The following TIMM50 variants were observed in gnomAD, a reference collection of about 807,000 sequenced individuals.
The protein encoded by TIMM50 is mitochondrial import inner membrane translocase subunit TIM50.
A neutral mutation model predicts 49.6 loss-of-function variants in TIMM50; 34 were observed. The observed-to-expected ratio is 0.69, with a 90% CI of 0.52 to 0.91. The LOEUF is 0.91. Among genes scored for constraint, TIMM50 ranks in the 40% least tolerant of loss-of-function variants. The pLI, the probability that TIMM50 is intolerant of heterozygous loss-of-function variation, is 0.00. For synonymous variants in TIMM50, 199 were observed against 198.4 expected (o/e 1.00, Z -0.03); for missense variants, 458 against 477.8 (o/e 0.96, Z 0.39).
At position 39,485,811 on chromosome 19, in the gene TIMM50, T is replaced by G. The variant is rs777515710; in HGVS notation, c.492+4T>G. The G allele has an allele frequency of 1.2e-6, 2 of 1,614,070 alleles. No homozygotes were observed. ...CCTCTTGCATCCTGAGTGGTCGGTGTGTCCCGGGAAACCCAGTGGGTTGGG... is the reference window on the plus strand; with the variant it reads ...CCTCTTGCATCCTGAGTGGTCGGTGGGTCCCGGGAAACCCAGTGGGTTGGG... On this transcript the variant is annotated splice_donor_region_variant and intron_variant, in intron 6 of 10. Coordinates refer to ENST00000607714, the MANE Select transcript of TIMM50 (RefSeq NM_001001563.5).
At position 39,486,381 on chromosome 19, in the gene TIMM50, C is replaced by T. The variant is rs1412066910; in HGVS notation, c.598-16C>T. ...GGGCTCAGCCTGACCTTTTCTCGCT[C>T]CCTTCCCACCCCCAGACTGCGTTTC... On this transcript the variant is annotated splice_polypyrimidine_tract_variant and intron_variant, in intron 7 of 10. Transcript: ENST00000607714. 1.9e-6 allele frequency: 3 copies of T among 1,613,782 alleles called. No homozygotes were observed. The highest frequency in any genetic ancestry group is 2.2e-5 in the East Asian group (1 of 44,902).
rs925041475 is a variant in TIMM50 at position 39,493,729 on chromosome 19, T to C, written c.*3909T>C. On this transcript the variant is annotated 3_prime_UTR_variant, in exon 11 of 11. Coordinates refer to ENST00000607714, the MANE Select transcript of TIMM50 (RefSeq NM_001001563.5). ...CCCCTATCTCCCTTCGCTGACTCTT[T>C]TCGGACTCAGCCCACCTGCACCCAG... 1.6e-4 allele frequency: 25 copies of C among 151,944 alleles called. No individual in the cohort carries two copies. Among genetic ancestry groups the C allele is most frequent in the African/African-American group, 6.0e-4 (25 of 41,424 alleles). The allele number at this position is 151,944 out of a possible 1,614,324, so 9.4% of individuals were successfully genotyped here.
rs1010703407 is a variant in TIMM50, at chr19:39,486,103, A to G, written c.493-84A>G. 4 of 1,372,206 alleles carry G rather than the reference A, an allele frequency of 2.9e-6. No individual in the cohort carries two copies. The African/African-American group carries it at 4.3e-5, about 15-fold the overall frequency. 85.0% of individuals were successfully genotyped at this position (1,372,206 alleles called of 1,614,324 possible). On this transcript the variant is annotated intron_variant, in intron 6 of 10. Coordinates refer to ENST00000607714, the MANE Select transcript of TIMM50 (RefSeq NM_001001563.5). ...AGAGGGAGAGAACTCTGTTCTGGGA[A>G]TCCCCCAGGCTGGATCTTTGTCCTC...
intron 5 of TIMM50, 39 bp downstream of exon 5, chr19:39,485,641 C>T (rs372376724): frequency 1.8e-5 from 29 of 1,614,032 alleles, no homozygotes; most frequent in Non-Finnish European, 2.4e-5. Flanking sequence ...ATGTCTCCAG[C>T]CCTGGCCTCC....
At chr19:39,486,084 A>G in intron 6 of TIMM50, 103 bp from the exon 7 acceptor site, 1 of 1,247,412 alleles carries the variant, frequency 8.0e-7, no homozygotes, top group African/African-American at 1.5e-5. Flanking sequence ...AGACAGAGGG[A>G]GAGAACTCTG....
In TIMM50 at chr19:39,486,262, A is replaced by G; in HGVS notation, c.568A>G (p.Ile190Val). The G allele has an allele frequency of 3.7e-6, 6 of 1,613,988 alleles. No homozygotes were observed. The highest frequency in any genetic ancestry group is 5.1e-6 in the Non-Finnish European group (6 of 1,180,002). Residue 190 changes from isoleucine to valine, a missense_variant, in exon 7 of 11, where the codon ATT (isoleucine) becomes GTT (valine). Transcript: ENST00000607714. ...LFQQLAPLYE[I>V]VIFTSETGMT... is the part of the protein sequence containing the mutation. ...CCAGCAGCTTGCCCCTTTATATGAA[A>G]TTGTCATCTTTACGTCAGAGACTGG...
rs1224248016 is a variant in TIMM50 at position 39,492,576 on chromosome 19, A to T, written c.*2756A>T. The T allele has an allele frequency of 6.6e-6, 1 of 151,832 alleles. No homozygotes were observed. Among genetic ancestry groups the T allele is most frequent in the Non-Finnish European group, 1.5e-5 (1 of 68,002 alleles). The allele number at this position is 151,832 out of a possible 1,614,324, so 9.4% of individuals were successfully genotyped here. The stretch of plus-strand genomic sequence containing the variant: ...GGCCATATGGGTTATTCACAGATTG[A>T]AATATCTTAGCTGGGCACGGTGGCT... On this transcript the variant is annotated 3_prime_UTR_variant, in exon 11 of 11. Coordinates refer to ENST00000607714, the MANE Select transcript of TIMM50 (RefSeq NM_001001563.5).
At chr19:39,483,021 C>T (rs1317215389) in intron 3 of TIMM50, 105 bp downstream of exon 3, 1 of 1,607,616 alleles carries the variant, frequency 6.2e-7, no homozygotes, top group Non-Finnish European at 8.5e-7. Context: ...GTGAGCCTTT[C>T]TTTCCCAGTG....
At chr19:39,489,191 A>AC (rs564444935) in intron 10 of TIMM50, among the ~76,000 whole-genome samples, 11 of 151,102 alleles carry the variant, frequency 7.3e-5, no homozygotes, top group South Asian at 2.1e-4. Context: ...GGGCCTGGGG[A>AC]CCCCCCAGGG....
intron 4 of TIMM50, 145 bp downstream of exon 4, chr19:39,483,301 G>A (rs929048035): frequency 1.9e-6 from 2 of 1,077,458 alleles, no homozygotes; most frequent in East Asian, 2.4e-5. Flanking sequence ...GGCTTTGTGG[G>A]GAGGGACATT....
chr19:39,487,897 T>G, intron 8 of TIMM50, 164 bp from the exon 9 acceptor site: 3 of 1,044,278 alleles, frequency 2.9e-6, no homozygotes, highest in Non-Finnish European at 1.3e-6. Context: ...TGGCCCTCTG[T>G]GGGGGTCGAT....
At position 39,489,638 on chromosome 19, in the gene TIMM50, A is replaced by C. The variant is rs548578181; in HGVS notation, c.961-81A>C. On this transcript the variant is annotated intron_variant, in intron 10 of 10. Coordinates refer to ENST00000607714, the MANE Select transcript of TIMM50 (RefSeq NM_001001563.5). ...AGAAGGAAAGGTGGTCCCTGGGCTG[A>C]GGCCTGGGGACCTGGGCATCTGGGA... The C allele has an allele frequency of 1.2e-4, 155 of 1,304,250 alleles. 1 individual carries two copies. In the South Asian group the frequency reaches 1.9e-3, roughly 16 times the overall value. 80.8% of individuals were successfully genotyped at this position (1,304,250 alleles called of 1,614,324 possible).
Position 39,485,599 on chromosome 19 carries a change from A to G in TIMM50, c.369A>G (p.Arg123=), listed in dbSNP as rs1251866677. ...RRTYKYFKDY[R]QMIIEPTSPC... ...CATACAAATATTTCAAAGATTATAG[A>G]CAGGTGAGCAGAAGCCCTGGGCTCA... Residue 123 remains arginine, a synonymous_variant, in exon 5 of 11, where the codon AGA becomes AGG. Coordinates refer to ENST00000607714, the MANE Select transcript of TIMM50 (RefSeq NM_001001563.5). 2 of 1,614,134 alleles carry G rather than the reference A, an allele frequency of 1.2e-6. No homozygotes were observed. The highest frequency in any genetic ancestry group is 1.7e-6 in the Non-Finnish European group (2 of 1,180,028).
At chr19:39,485,466 G>T (rs2079498175) in intron 4 of TIMM50, 78 bp from the exon 5 acceptor site, 1 of 1,572,678 alleles carries the variant, frequency 6.4e-7, no homozygotes. Flanking sequence ...GTATCTGGTA[G>T]ATAAGAAACC....
chr19:39,480,902 C>T lies in TIMM50; in HGVS notation c.49C>T (p.Leu17Phe). 1 of 1,594,678 alleles carries T rather than the reference C, an allele frequency of 6.3e-7. No homozygotes were observed. Among genetic ancestry groups the T allele is most frequent in the Non-Finnish European group, 8.5e-7 (1 of 1,176,046 alleles). ...CTCGCGCTTGCGAAGCGGGCTCCGG[C>T]TCGGCTCGCGGGGACTGTGCACGAG... Reference protein sequence around the residue: ...VFSRLRSGLRLGSRGLCTRLA... With the variant: ...VFSRLRSGLRFGSRGLCTRLA... Residue 17 changes from leucine to phenylalanine, a missense_variant, in exon 1 of 11, where the codon CTC becomes TTC. Leu to Phe is a conservative substitution (Grantham distance 22). Transcript: ENST00000607714.
chr19:39,485,387 T>C lies in TIMM50; in HGVS notation c.314-157T>C, dbSNP rs2079497700. ...AAATCTGTGTTCCTATCTGGCGGTATGTCATTGCCTTCTATCTTTGGACCT... is the reference window on the plus strand; with the variant it reads ...AAATCTGTGTTCCTATCTGGCGGTACGTCATTGCCTTCTATCTTTGGACCT... On this transcript the variant is annotated intron_variant, in intron 4 of 10. Coordinates refer to ENST00000607714, the MANE Select transcript of TIMM50 (RefSeq NM_001001563.5). 9.3e-6 allele frequency: 7 copies of C among 756,624 alleles called. No individual in the cohort carries two copies. In the South Asian group the frequency reaches 1.2e-4, roughly 13 times the overall value. 46.9% of individuals were successfully genotyped at this position (756,624 alleles called of 1,614,324 possible).
chr19:39,488,666 A>G (rs1187796526), intron 10 of TIMM50, 21 bp downstream of exon 10: 2 of 1,603,784 alleles, frequency 1.2e-6, no homozygotes, highest in Non-Finnish European at 1.7e-6. Context: ...AGATGCCCAG[A>G]GTGGAGGATC....
At chr19:39,485,123 AT>A (rs745311864) in intron 4 of TIMM50, 3,471 of 155,824 alleles carry the variant, frequency 0.022, 1 homozygote, top group South Asian at 0.061. Flanking sequence ...CGCCCGGCTA[AT>A]TTTTTTTTTT....
intron 8 of TIMM50, among the ~76,000 whole-genome samples, chr19:39,487,661 G>A (rs903462483): frequency 1.3e-5 from 2 of 152,112 alleles, no homozygotes; most frequent in African/African-American, 4.8e-5. Flanking sequence ...GTTTCGCCAT[G>A]TTGCCCAGGC....
Sources: allele counts gnomAD v4.1 joint callset (sites outside exome capture counted in the v4.1 genomes callset), GRCh38; gene constraint gnomAD v4.1.1; transcripts MANE v1.5; gene names NCBI Gene and HGNC (gene_info 2026-07-23, HGNC 2026-07-21).